The following RARB variants were observed in gnomAD, a reference collection of about 807,000 sequenced individuals.
RARB encodes the protein HBV-activated protein.
Under a neutral mutation model 51.9 loss-of-function variants are expected in RARB, and 17 were observed. The ratio of observed to expected loss-of-function variants is 0.33; its 90% CI spans 0.22 to 0.49. The LOEUF is 0.49. Among genes scored for constraint, RARB ranks in the 20% least tolerant of loss-of-function variants. The pLI, the probability that RARB is intolerant of heterozygous loss-of-function variation, is 0.99. For synonymous variants in RARB, 215 were observed against 195.4 expected, an observed-to-expected ratio of 1.10 and a Z score of -0.84; for missense variants, 369 against 550.8, an observed-to-expected ratio of 0.67 and a Z score of 3.30.
At chr3:25,366,376 T>C (rs764409070) in intron 5 of RARB, among the ~76,000 whole-genome samples, 2 of 152,164 alleles carry the variant, frequency 1.3e-5, no homozygotes, top group African/African-American at 2.4e-5. Flanking sequence ...ATTTTGTTAG[T>C]AAAATAATAG....
intron 4 of RARB, among the ~76,000 whole-genome samples, chr3:25,142,379 C>T (rs1479799813): frequency 6.6e-6 from 1 of 152,050 alleles, no homozygotes; most frequent in Non-Finnish European, 1.5e-5. Context: ...CAACTCAGAA[C>T]CATTGAATCA....
At chr3:25,279,160 C>T (rs1409609610) in intron 5 of RARB, among the ~76,000 whole-genome samples, 1 of 152,186 alleles carries the variant, frequency 6.6e-6, no homozygotes, top group Non-Finnish European at 1.5e-5. Context: ...ATATTCACAA[C>T]ATCAAAATGC....
intron 5 of RARB, among the ~76,000 whole-genome samples, chr3:25,342,272 A>G (rs957248329): frequency 6.6e-6 from 1 of 152,224 alleles, no homozygotes; most frequent in Non-Finnish European, 1.5e-5. Context: ...AATAAACTCT[A>G]TGTATAACAT....
intron 5 of RARB, among the ~76,000 whole-genome samples, chr3:25,226,020 C>A (rs1189437178): frequency 2.0e-5 from 3 of 152,110 alleles, no homozygotes; most frequent in Non-Finnish European, 2.9e-5. Flanking sequence ...TTTGAATATT[C>A]ATAGATAATT....
intron 4 of RARB, among the ~76,000 whole-genome samples, chr3:25,139,286 A>C (rs1463027388): frequency 2.6e-5 from 4 of 152,314 alleles, no homozygotes; most frequent in African/African-American, 9.6e-5. Context: ...AAGAGGCTGA[A>C]AGCTAAGTCT....
chr3:25,025,234 C>T (rs1697723061), intron 2 of RARB: 1 of 152,166 alleles, frequency 6.6e-6, no homozygotes, highest in Admixed American at 6.5e-5. Flanking sequence ...CCAAGATGAA[C>T]TTTAATTGTA....
intron 2 of RARB, among the ~76,000 whole-genome samples, chr3:24,886,116 A>C (rs1165880898): frequency 6.6e-6 from 1 of 152,162 alleles, no homozygotes; most frequent in African/African-American, 2.4e-5. Context: ...TCTCTGTAGA[A>C]TATTCCCTGC....
intron 2 of RARB, among the ~76,000 whole-genome samples, chr3:24,862,997 T>C (rs540337543): frequency 1.2e-4 from 18 of 152,038 alleles, no homozygotes; most frequent in Non-Finnish European, 2.6e-4. Flanking sequence ...ATGGAAACAA[T>C]AATGCAGAAG....
In RARB at chr3:25,596,824, T is replaced by C; in HGVS notation, c.*208T>C. 1 of 409,214 alleles carries C rather than the reference T, an allele frequency of 2.4e-6. No individual in the cohort carries two copies. Among genetic ancestry groups the C allele is most frequent in the Admixed American group, 4.1e-5 (1 of 24,414 alleles). The allele number at this position is 409,214 out of a possible 1,614,324, so 25.3% of individuals were successfully genotyped here. The stretch of plus-strand genomic sequence containing the variant: ...TACAAACTTTTCCAATTTTAAAAAA[T>C]CAGCCATTTCATGCAACCAGAAACT... On this transcript the variant is annotated 3_prime_UTR_variant, in exon 8 of 8. Transcript: ENST00000330688.
At chr3:24,889,930 G>C (rs1165838044) in intron 2 of RARB, among the ~76,000 whole-genome samples, 3 of 146,890 alleles carry the variant, frequency 2.0e-5, no homozygotes, top group Non-Finnish European at 4.5e-5. Flanking sequence ...AAAAGAAAAA[G>C]ACTCAAAAGT....
chr3:24,953,734 T>C (rs770393674), intron 2 of RARB, among the ~76,000 whole-genome samples: 8 of 152,102 alleles, frequency 5.3e-5, no homozygotes, highest in Non-Finnish European at 1.2e-4. Flanking sequence ...AAATCAAAAA[T>C]AGAACTCTCT....
chr3:25,469,507 G>C (rs1026540018), intron 2 of RARB, among the ~76,000 whole-genome samples: 1 of 152,152 alleles, frequency 6.6e-6, no homozygotes, highest in Admixed American at 6.5e-5. Flanking sequence ...CTCTGTGATA[G>C]CTGAATGAAT....
chr3:25,309,411 T>C (rs534416077), intron 5 of RARB, among the ~76,000 whole-genome samples: 29 of 149,578 alleles, frequency 1.9e-4, no homozygotes, highest in African/African-American at 7.1e-4. Context: ...AGTGCTGGGA[T>C]AACAGGCGTG....
intron 5 of RARB, among the ~76,000 whole-genome samples, chr3:25,266,760 C>G (rs376334672): frequency 6.6e-6 from 1 of 152,126 alleles, no homozygotes. Flanking sequence ...TTAAAAGAGA[C>G]AGAGACACCA....
Position 25,437,117 on chromosome 3 carries a change from C to CTTTTTTTTTTTTT in RARB, c.157+8234_157+8246dup, listed in dbSNP as rs35238900. On this transcript the variant is annotated intron_variant, in intron 1 of 7. Coordinates refer to ENST00000330688, the MANE Select transcript of RARB (RefSeq NM_000965.5). Reference sequence around the variant, plus strand: ...CTTACGTGCCTTTGCTAAAAGCAAACTTTTTTTTTTTTTTTTTGGTCATAT... The same window carrying CTTTTTTTTTTTTT: ...CTTACGTGCCTTTGCTAAAAGCAAACTTTTTTTTTTTTTTTTTTTTTTTTTTTTTTGGTCATAT... 2.1e-5 allele frequency among the ~76,000 whole-genome samples: 3 copies of CTTTTTTTTTTTTT among 139,652 alleles called. 1 individual carries two copies. The allele number at this position is 139,652 out of a possible 152,430, so 91.6% of individuals were successfully genotyped here. A position where few individuals can be genotyped will look rare whatever the true frequency, so the allele number is the denominator to read the frequency against.
intron 2 of RARB, among the ~76,000 whole-genome samples, chr3:24,974,796 A>T (rs1011228798): frequency 3.3e-5 from 5 of 152,196 alleles, no homozygotes; most frequent in Admixed American, 2.6e-4. Flanking sequence ...GAACACTCTC[A>T]ACCGTTAACA....
intron 3 of RARB, among the ~76,000 whole-genome samples, chr3:25,501,762 T>C (rs968492298): frequency 1.3e-5 from 2 of 152,212 alleles, no homozygotes; most frequent in Non-Finnish European, 2.9e-5. Flanking sequence ...TTGTATAACT[T>C]GTGGAAGAAA....
intron 5 of RARB, among the ~76,000 whole-genome samples, chr3:25,331,818 C>T (rs1348468249): frequency 6.6e-6 from 1 of 151,998 alleles, no homozygotes; most frequent in African/African-American, 2.4e-5. Flanking sequence ...ATCAAATAGA[C>T]ACAATAAAAA....
At chr3:24,916,415 G>C (rs1695106656) in intron 2 of RARB, among the ~76,000 whole-genome samples, 1 of 152,122 alleles carries the variant, frequency 6.6e-6, no homozygotes, top group East Asian at 1.9e-4. Context: ...TGTTCCTGCA[G>C]CATTTTAGTA....
Sources: gnomAD v4.1 joint callset for allele counts (sites outside exome capture counted in the v4.1 genomes callset) on GRCh38, gnomAD v4.1.1 for gene constraint, MANE v1.5 for transcripts, NCBI Gene and HGNC (gene_info 2026-07-23, HGNC 2026-07-21) for gene names.